Variants in HPSE2 observed in about 807,000 individuals in gnomAD.
HPSE2 encodes the protein inactive heparanase-2.
Under a neutral mutation model 60.5 loss-of-function variants are expected in HPSE2, and 38 were observed. The ratio of observed to expected loss-of-function variants is 0.63; its 90% CI spans 0.48 to 0.82. HPSE2 has a LOEUF of 0.82. Among genes scored for constraint, HPSE2 ranks in the 40% least tolerant of loss-of-function variants. HPSE2 has a pLI of 0.00. For missense variants in HPSE2, 713 were observed against 740.4 expected (o/e 0.96, Z 0.43); for synonymous variants, 295 against 293.2 (o/e 1.01, Z -0.06).
intron 3 of HPSE2, among the ~76,000 whole-genome samples, chr10:98,816,324 G>A (rs999161398): frequency 2.0e-5 from 3 of 152,068 alleles, no homozygotes; most frequent in Non-Finnish European, 4.4e-5. Flanking sequence ...ATGCCTGGGA[G>A]CTGAGCTTCC....
At position 98,458,767 on chromosome 10, in the gene HPSE2, AATG is replaced by A. The variant is rs1437218617; in HGVS notation, c.*804_*806del. ...AACTCTCCCTCATAGCAACATGAAG[AATG>A]ATGACTACTTTTTGTTGTGCCTAAT... On this transcript the variant is annotated 3_prime_UTR_variant, in exon 12 of 12. Transcript: ENST00000370552. The A allele has an allele frequency of 6.5e-6, 1 of 152,892 alleles. No homozygotes were observed. Among genetic ancestry groups the A allele is most frequent in the Non-Finnish European group, 1.5e-5 (1 of 68,622 alleles). The allele number at this position is 152,892 out of a possible 1,614,324, so 9.5% of individuals were successfully genotyped here. A position where few individuals can be genotyped will look rare whatever the true frequency, so the allele number is the denominator to read the frequency against.
chr10:99,221,171 T>C (rs1849301411), intron 2 of HPSE2, among the ~76,000 whole-genome samples: 1 of 152,144 alleles, frequency 6.6e-6, no homozygotes, highest in Non-Finnish European at 1.5e-5. Flanking sequence ...TTGATGTACA[T>C]ATTATTTAAT....
At chr10:98,664,496 A>T (rs1053863148) in intron 6 of HPSE2, among the ~76,000 whole-genome samples, 7 of 152,114 alleles carry the variant, frequency 4.6e-5, no homozygotes, top group Admixed American at 2.0e-4. Flanking sequence ...AGTACCACCG[A>T]TCAGAAGGGG....
intron 3 of HPSE2, among the ~76,000 whole-genome samples, chr10:99,102,935 C>G (rs1212170949): frequency 6.6e-6 from 1 of 152,154 alleles, no homozygotes; most frequent in East Asian, 1.9e-4. Flanking sequence ...TTCAACAACC[C>G]TTCATGCTAA....
chr10:98,936,577 C>T, intron 3 of HPSE2, among the ~76,000 whole-genome samples: 1 of 143,670 alleles, frequency 7.0e-6, no homozygotes, highest in Non-Finnish European at 1.5e-5. Flanking sequence ...TGAAGTGACG[C>T]CCCACCCTGT....
chr10:98,993,299 A>G (rs558206736), intron 3 of HPSE2, among the ~76,000 whole-genome samples: 1 of 152,362 alleles, frequency 6.6e-6, no homozygotes, highest in Non-Finnish European at 1.5e-5. Flanking sequence ...CAACATAAAC[A>G]TACAATTTCA....
intron 3 of HPSE2, among the ~76,000 whole-genome samples, chr10:98,852,112 G>GATATAT (rs140715558): frequency 0.059 from 4,866 of 82,458 alleles, 162 homozygotes; most frequent in African/African-American, 0.11. Flanking sequence ...TGTATATTAT[G>GATATAT]ATGTGTGTGT....
At chr10:98,896,239 C>A (rs1011177655) in intron 3 of HPSE2, among the ~76,000 whole-genome samples, 3 of 151,922 alleles carry the variant, frequency 2.0e-5, no homozygotes, top group Non-Finnish European at 4.4e-5. Flanking sequence ...ATTGCAAAGT[C>A]AAACCCAGGA....
At chr10:99,133,980 AG>A (rs1845547273) in intron 3 of HPSE2, among the ~76,000 whole-genome samples, 1 of 152,218 alleles carries the variant, frequency 6.6e-6, no homozygotes, top group Admixed American at 6.5e-5. Context: ...CCTTGAAAAA[AG>A]GTTAGACGAA....
chr10:98,482,460 G>A (rs1249906725), intron 11 of HPSE2, among the ~76,000 whole-genome samples, 176 bp downstream of exon 11: 2 of 152,108 alleles, frequency 1.3e-5, no homozygotes, highest in Non-Finnish European at 2.9e-5. Flanking sequence ...AGATAGGGAG[G>A]GGCTTGAACA....
At chr10:98,987,918 C>T (rs1299009644) in intron 3 of HPSE2, among the ~76,000 whole-genome samples, 4 of 152,080 alleles carry the variant, frequency 2.6e-5, no homozygotes, top group African/African-American at 7.2e-5. Context: ...AATAAAATAC[C>T]TAGGAATCCA....
At chr10:98,755,994 C>CA (rs937463067) in intron 3 of HPSE2, among the ~76,000 whole-genome samples, 6 of 151,478 alleles carry the variant, frequency 4.0e-5, no homozygotes, top group South Asian at 2.1e-4. Context: ...GATTCTGTCT[C>CA]AAAAAAACAA....
chr10:98,692,523 C>T (rs1156239701), intron 6 of HPSE2, among the ~76,000 whole-genome samples: 1 of 151,952 alleles, frequency 6.6e-6, no homozygotes, highest in Non-Finnish European at 1.5e-5. Context: ...AATCCCAGCA[C>T]TTTGGGAGGC....
intron 11 of HPSE2, among the ~76,000 whole-genome samples, chr10:98,460,658 T>G (rs919409974): frequency 6.6e-6 from 1 of 152,172 alleles, no homozygotes; most frequent in African/African-American, 2.4e-5. Context: ...AACAGATGTT[T>G]CCATTTAGCA....
intron 3 of HPSE2, among the ~76,000 whole-genome samples, chr10:99,078,999 T>C (rs1007258661): frequency 4.6e-5 from 7 of 152,076 alleles, no homozygotes; most frequent in Non-Finnish European, 7.4e-5. Flanking sequence ...TCTGGAAAAG[T>C]TGGATCTTTG....
chr10:98,594,830 T>C (rs1319681404), intron 9 of HPSE2, among the ~76,000 whole-genome samples: 3 of 152,156 alleles, frequency 2.0e-5, no homozygotes, highest in Non-Finnish European at 4.4e-5. Flanking sequence ...ACCAGCAAGA[T>C]TTCTGGGTCA....
intron 3 of HPSE2, among the ~76,000 whole-genome samples, chr10:99,055,810 T>C (rs1034806097): frequency 1.3e-5 from 2 of 152,098 alleles, no homozygotes; most frequent in Non-Finnish European, 2.9e-5. Flanking sequence ...ATTTGTGGGA[T>C]GCAGCCAGAA....
At chr10:98,837,307 T>C (rs535685230) in intron 3 of HPSE2, among the ~76,000 whole-genome samples, 7 of 152,286 alleles carry the variant, frequency 4.6e-5, no homozygotes, top group Non-Finnish European at 1.0e-4. Flanking sequence ...TGGAGAGACT[T>C]AGAGGCAGTA....
At chr10:99,054,513 C>T (rs1389482346) in intron 3 of HPSE2, among the ~76,000 whole-genome samples, 1 of 152,098 alleles carries the variant, frequency 6.6e-6, no homozygotes, top group African/African-American at 2.4e-5. Flanking sequence ...CAAGTTAAGT[C>T]CTATTAAAAT....
Sources: allele counts gnomAD v4.1 joint callset (sites outside exome capture counted in the v4.1 genomes callset), GRCh38; gene constraint gnomAD v4.1.1; transcripts MANE v1.5; gene names NCBI Gene and HGNC (gene_info 2026-07-23, HGNC 2026-07-21).